EPHA6: variants seen among roughly 807,000 people sequenced by gnomAD.
EPHA6 encodes ephrin type-A receptor 6.
Under a neutral mutation model 112.0 loss-of-function variants are expected in EPHA6, and 50 were observed. The ratio of observed to expected loss-of-function variants is 0.45; its 90% CI spans 0.36 to 0.56. The LOEUF (loss-of-function observed/expected upper bound fraction) is 0.56. Among genes scored for constraint, EPHA6 ranks in the 20% least tolerant of loss-of-function variants. The pLI, the probability that EPHA6 is intolerant of heterozygous loss-of-function variation, is 0.00. For synonymous variants in EPHA6, 529 were observed against 490.7 expected (o/e 1.08, Z -1.03); for missense variants, 1,280 against 1,417.4 (o/e 0.90, Z 1.56).
chr3:96,882,142 T>C (rs2037351279), intron 2 of EPHA6, among the ~76,000 whole-genome samples: 1 of 152,180 alleles, frequency 6.6e-6, no homozygotes, highest in African/African-American at 2.4e-5. Context: ...GCAGTGCCCC[T>C]GTAGGAACTC....
chr3:97,627,988 G>A (rs2093872889), intron 13 of EPHA6, among the ~76,000 whole-genome samples: 1 of 151,904 alleles, frequency 6.6e-6, no homozygotes, highest in African/African-American at 2.4e-5. Flanking sequence ...CCATTATAAT[G>A]ACTTTGACTC....
chr3:97,703,515 CAG>C (rs1448367111), intron 14 of EPHA6, among the ~76,000 whole-genome samples: 2 of 152,044 alleles, frequency 1.3e-5, no homozygotes, highest in African/African-American at 4.8e-5. Context: ...ATATGACAAA[CAG>C]AACTGAATAA....
At chr3:97,319,889 CAT>C (rs2082026898) in intron 5 of EPHA6, among the ~76,000 whole-genome samples, 1 of 152,004 alleles carries the variant, frequency 6.6e-6, no homozygotes, top group South Asian at 2.1e-4. Flanking sequence ...CTAGTTATGT[CAT>C]AACTGTAGGG....
intron 5 of EPHA6, among the ~76,000 whole-genome samples, chr3:97,297,707 T>C (rs2080925809): frequency 6.6e-6 from 1 of 152,184 alleles, no homozygotes; most frequent in South Asian, 2.1e-4. Flanking sequence ...TGTTGAAGAA[T>C]TCATGTTTCT....
chr3:97,401,591 G>T (rs1577250514), intron 5 of EPHA6, among the ~76,000 whole-genome samples: 2 of 151,464 alleles, frequency 1.3e-5, no homozygotes, highest in Admixed American at 6.6e-5. Context: ...CTAGTTAAAG[G>T]TTCGTCAATT....
chr3:97,321,681 T>C (rs2082127567), intron 5 of EPHA6, among the ~76,000 whole-genome samples: 1 of 148,414 alleles, frequency 6.7e-6, no homozygotes, highest in Non-Finnish European at 1.5e-5. Flanking sequence ...TTACAGTGTG[T>C]AAAAAAAAAA....
intron 3 of EPHA6, among the ~76,000 whole-genome samples, chr3:97,186,119 G>A (rs948782887): frequency 2.0e-5 from 3 of 151,686 alleles, no homozygotes; most frequent in East Asian, 3.9e-4. Context: ...GTTAAATGAC[G>A]CGTTACTGGG....
chr3:97,508,623 T>C (rs562563251), intron 10 of EPHA6, among the ~76,000 whole-genome samples: 1 of 152,294 alleles, frequency 6.6e-6, no homozygotes, highest in South Asian at 2.1e-4. Context: ...CTGAGAAGAA[T>C]GTATATTCTG....
At chr3:97,523,543 G>A (rs1433332362) in intron 10 of EPHA6, among the ~76,000 whole-genome samples, 3 of 151,964 alleles carry the variant, frequency 2.0e-5, no homozygotes, top group Admixed American at 2.0e-4. Context: ...GGTCCATTTG[G>A]GGTAAAGGGT....
chr3:97,058,936 G>A (rs539550545), intron 3 of EPHA6, among the ~76,000 whole-genome samples: 12 of 152,276 alleles, frequency 7.9e-5, no homozygotes, highest in African/African-American at 2.6e-4. Context: ...CTGATCTCAG[G>A]TTAACCTCAA....
intron 3 of EPHA6, among the ~76,000 whole-genome samples, chr3:97,213,171 C>T (rs1469925826): frequency 6.6e-6 from 1 of 152,118 alleles, no homozygotes; most frequent in Middle Eastern, 3.2e-3. Flanking sequence ...TTCTGGTTTC[C>T]TGTGGTTTCT....
At chr3:96,825,092 ATAAT>A (rs2033558825) in intron 1 of EPHA6, among the ~76,000 whole-genome samples, 1 of 151,978 alleles carries the variant, frequency 6.6e-6, no homozygotes, top group Non-Finnish European at 1.5e-5. Flanking sequence ...ATATATGAAA[ATAAT>A]TAGAGAATTA....
chr3:97,367,403 CACCTCCTGCGTGTT>C (rs1403807673), intron 5 of EPHA6, among the ~76,000 whole-genome samples: 1 of 152,086 alleles, frequency 6.6e-6, no homozygotes, highest in Non-Finnish European at 1.5e-5. Flanking sequence ...TTCCCTGGCT[CACCTCCTGCGTGTT>C]ATTTCTGGCT....
chr3:96,819,396 C>T (rs1337869381), intron 1 of EPHA6, among the ~76,000 whole-genome samples: 3 of 151,990 alleles, frequency 2.0e-5, no homozygotes, highest in Non-Finnish European at 4.4e-5. Flanking sequence ...ATAAATTTCC[C>T]TCTACCAACC....
At chr3:97,389,947 ACTT>A (rs1203954557) in intron 5 of EPHA6, among the ~76,000 whole-genome samples, 3 of 152,142 alleles carry the variant, frequency 2.0e-5, no homozygotes, top group African/African-American at 7.2e-5. Flanking sequence ...GAAAACACAA[ACTT>A]CTTCTCTGCA....
intron 6 of EPHA6, among the ~76,000 whole-genome samples, chr3:97,440,892 T>A (rs2090103534): frequency 6.6e-6 from 1 of 151,750 alleles, no homozygotes. Context: ...CAAGACTAGA[T>A]GTAAATATAT....
At chr3:97,444,485 G>A (rs779639171) in intron 6 of EPHA6, among the ~76,000 whole-genome samples, 8 of 152,114 alleles carry the variant, frequency 5.3e-5, no homozygotes, top group African/African-American at 9.7e-5. Context: ...TGGTGATTAC[G>A]TAAGCTACAC....
chr3:96,814,888 AG>A lies in EPHA6; in HGVS notation c.266del (p.Arg89LysfsTer26), dbSNP rs761881532. On this transcript the variant is annotated frameshift_variant, in exon 1 of 18. Coordinates refer to ENST00000389672, the MANE Select transcript of EPHA6 (RefSeq NM_001080448.3). LOFTEE classifies it high-confidence loss of function. ...CCACTTCTCTTTAAGGGAGAGGAAA[AG>A]AGAGCCTAGGAGAACCATGGGGGGC... ...CRHFSLRERK[R>X]EPRRTMGGCE... is the part of the protein sequence containing the mutation. 4 of 1,554,786 alleles carry A rather than the reference AG, an allele frequency of 2.6e-6. No homozygotes were observed. In the South Asian group the frequency reaches 3.6e-5, roughly 14 times the overall value.
intron 14 of EPHA6, among the ~76,000 whole-genome samples, chr3:97,654,784 C>G (rs2094127905): frequency 6.6e-6 from 1 of 151,704 alleles, no homozygotes; most frequent in Non-Finnish European, 1.5e-5. Context: ...GAAAGAAGAG[C>G]CAGATGCTGT....
Sources: allele counts gnomAD v4.1 joint callset (sites outside exome capture counted in the v4.1 genomes callset), GRCh38; gene constraint gnomAD v4.1.1; transcripts MANE v1.5; gene names NCBI Gene and HGNC (gene_info 2026-07-23, HGNC 2026-07-21).